Variants in ANO3 observed in about 807,000 individuals in gnomAD.
The protein encoded by ANO3 is anoctamin 3, also known as anoctamin-3.
Under a neutral mutation model 144.8 loss-of-function variants are expected in ANO3, and 99 were observed. That is an observed-to-expected ratio of 0.68 (90% confidence interval 0.58 to 0.81). The LOEUF (loss-of-function observed/expected upper bound fraction) is 0.81. Ranked by LOEUF, ANO3 falls within the 30% of genes least tolerant of loss-of-function variation. The pLI is 0.00. For missense variants in ANO3, 905 were observed against 1,202.2 expected (o/e 0.75, Z 3.66); for synonymous variants, 414 against 392.6 (o/e 1.05, Z -0.64).
intron 1 of ANO3, among the ~76,000 whole-genome samples, chr11:26,366,070 G>A (rs188687313): frequency 2.3e-3 from 338 of 149,382 alleles, no homozygotes; most frequent in Admixed American, 5.3e-3. Context: ...ATGTATACAT[G>A]TGCCTTGTTG....
At chr11:26,189,650 A>G (rs1282931737) in intron 1 of ANO3, among the ~76,000 whole-genome samples, 1 of 152,196 alleles carries the variant, frequency 6.6e-6, no homozygotes, top group East Asian at 1.9e-4. Flanking sequence ...GGCATGACCG[A>G]TGAAATCAGG....
At chr11:26,286,708 A>G (rs1485823258) in intron 1 of ANO3, among the ~76,000 whole-genome samples, 1 of 152,164 alleles carries the variant, frequency 6.6e-6, no homozygotes. Flanking sequence ...GTAATTGGCA[A>G]TGCGGGTGGG....
At chr11:26,535,759 T>C (rs1460001273) in intron 9 of ANO3, among the ~76,000 whole-genome samples, 1 of 151,374 alleles carries the variant, frequency 6.6e-6, no homozygotes, top group African/African-American at 2.4e-5. Flanking sequence ...ATTTTTTGTA[T>C]TTTTTAGTAG....
rs181461922 is a variant in ANO3 at position 26,523,372 on chromosome 11, T to C, written c.693-2263T>C. Among the ~76,000 whole-genome samples the C allele has an allele frequency of 2.6e-5, 4 of 152,318 alleles. No homozygotes were observed. In the East Asian group the frequency reaches 7.7e-4, roughly 29 times the overall value. ...TACGGAAGAGAAATAAAACCTCTCATATCTTTTTGACAGGAGGTAGTTCTG... is the reference window on the plus strand; with the variant it reads ...TACGGAAGAGAAATAAAACCTCTCACATCTTTTTGACAGGAGGTAGTTCTG... On this transcript the variant is annotated intron_variant, in intron 6 of 26. Coordinates refer to ENST00000256737, the MANE Select transcript of ANO3 (RefSeq NM_031418.4).
At chr11:26,339,388 A>G (rs908623016) in intron 1 of ANO3, among the ~76,000 whole-genome samples, 37 of 152,232 alleles carry the variant, frequency 2.4e-4, no homozygotes, top group African/African-American at 8.4e-4. Context: ...CTCCTGACCC[A>G]GGCGATCCGC....
chr11:26,237,647 T>C (rs1481623067), intron 1 of ANO3, among the ~76,000 whole-genome samples: 1 of 152,022 alleles, frequency 6.6e-6, no homozygotes, highest in African/African-American at 2.4e-5. Context: ...TATTCTCTGA[T>C]CTTATAATGG....
rs1274259382 is a variant in ANO3 at position 26,414,786 on chromosome 11, T to G, written c.47-27132T>G. On this transcript the variant is annotated intron_variant, in intron 1 of 26. Transcript: ENST00000256737. ...AAAAAAAAAAAAAAAGAAAGAAAGT[T>G]AATTCATATCCGGTGCTAGAGCAAT... Among the ~76,000 whole-genome samples the G allele has an allele frequency of 4.0e-5, 6 of 151,862 alleles. No individual in the cohort carries two copies. In the East Asian group the frequency reaches 1.2e-3, roughly 29 times the overall value.
At position 26,656,416 on chromosome 11, in the gene ANO3, T is replaced by G; in HGVS notation, c.2698T>G (p.Tyr900Asp). 6.2e-7 allele frequency: 1 copy of G among 1,612,142 alleles called. No homozygotes were observed. The highest frequency in any genetic ancestry group is 8.5e-7 in the Non-Finnish European group (1 of 1,178,256). ...YRGPPWSSKP[Y>D]EFTLQYWHIL... The stretch of plus-strand genomic sequence containing the variant: ...AGGCCCGCCCTGGAGTTCCAAACCC[T>G]ATGAGTTTACTTTACAATACTGGCA... The change falls in exon 26 of 27, where the codon TAT (tyrosine) becomes GAT (aspartate). Residue 900 changes from tyrosine (Y) to aspartate (D), a missense_variant. Physicochemically the swap from Tyr to Asp is radical, Grantham distance 160. Coordinates refer to ENST00000256737, the MANE Select transcript of ANO3 (RefSeq NM_031418.4).
At position 26,385,893 on chromosome 11, in the gene ANO3, G is replaced by GTGTATATATATATA. The variant is rs1183332896; in HGVS notation, c.46+53573_46+53574insGTATATATATATAT. Among the ~76,000 whole-genome samples, 575 of 143,764 alleles carry GTGTATATATATATA rather than the reference G, an allele frequency of 4.0e-3. 1 individual carries two copies. The highest frequency in any genetic ancestry group is 6.3e-3 in the Non-Finnish European group (416 of 65,912). The allele number at this position is 143,764 out of a possible 152,430, so 94.3% of individuals were successfully genotyped here. The stretch of plus-strand genomic sequence containing the variant: ...GATTTGTGTGAAGTTCTTTGTGTGT[G>GTGTATATATATATA]TATATATATTTATATACATATTTAC... On this transcript the variant is annotated intron_variant, in intron 1 of 26. Coordinates refer to ENST00000256737, the MANE Select transcript of ANO3 (RefSeq NM_031418.4).
chr11:26,385,146 TAATG>T (rs1333657721), intron 1 of ANO3, among the ~76,000 whole-genome samples: 3 of 152,300 alleles, frequency 2.0e-5, no homozygotes, highest in African/African-American at 4.8e-5. Context: ...ATAAGACTCA[TAATG>T]AATAAATGAA....
At chr11:26,204,217 A>T (rs1483187437) in intron 1 of ANO3, among the ~76,000 whole-genome samples, 1 of 151,750 alleles carries the variant, frequency 6.6e-6, no homozygotes, top group African/African-American at 2.4e-5. Flanking sequence ...ATTCACACAC[A>T]CCCCTTATTA....
At chr11:26,620,035 A>G (rs909449017) in intron 17 of ANO3, among the ~76,000 whole-genome samples, 17 of 152,218 alleles carry the variant, frequency 1.1e-4, no homozygotes, top group African/African-American at 4.1e-4. Context: ...TTTATCAGGC[A>G]TATAGCTAAA....
intron 1 of ANO3, among the ~76,000 whole-genome samples, chr11:26,390,571 G>T (rs1383324955): frequency 6.6e-6 from 1 of 152,042 alleles, no homozygotes; most frequent in Non-Finnish European, 1.5e-5. Flanking sequence ...TACCATCCCA[G>T]TTTATCTGAG....
intron 12 of ANO3, 138 bp downstream of exon 12, chr11:26,547,688 C>CT (rs869245010): frequency 7.0e-4 from 580 of 829,558 alleles, no homozygotes; most frequent in Non-Finnish European, 7.9e-4. Context: ...TGTTTTTTGG[C>CT]TTTTGTTTTT....
chr11:26,366,932 G>C (rs1281611549), intron 1 of ANO3, among the ~76,000 whole-genome samples: 1 of 152,036 alleles, frequency 6.6e-6, no homozygotes, highest in Non-Finnish European at 1.5e-5. Flanking sequence ...GAACAGAACA[G>C]AGCCCTCAGA....
At chr11:26,351,339 C>T (rs1379400835) in intron 1 of ANO3, among the ~76,000 whole-genome samples, 1 of 151,974 alleles carries the variant, frequency 6.6e-6, no homozygotes, top group Non-Finnish European at 1.5e-5. Context: ...TGTGGTGTTA[C>T]TTAATTTTTT....
intron 17 of ANO3, among the ~76,000 whole-genome samples, chr11:26,622,455 G>C (rs1345577129): frequency 7.1e-6 from 1 of 140,354 alleles, no homozygotes; most frequent in African/African-American, 2.6e-5. Flanking sequence ...AAAAGAAAAT[G>C]AGCCAGGCAT....
intron 14 of ANO3, among the ~76,000 whole-genome samples, chr11:26,596,403 T>C (rs1851629963): frequency 6.6e-6 from 1 of 152,144 alleles, no homozygotes; most frequent in Admixed American, 6.5e-5. Flanking sequence ...ACCTGATCTA[T>C]TATGTTGTTG....
In ANO3 at chr11:26,216,583, A is replaced by G. The variant is rs558514674; in HGVS notation, c.154+27253A>G. ...TTATAGATAAAGCTACTTAACTTTT[A>G]TGTGCAAGCTTTGTATGAATATAAG... is the stretch of plus-strand genomic sequence containing the variant. On this transcript the variant is annotated intron_variant, in intron 1 of 27. Transcript: ENST00000672621. 3.3e-5 allele frequency among the ~76,000 whole-genome samples: 5 copies of G among 152,066 alleles called. No individual in the cohort carries two copies. The South Asian group carries it at 1.0e-3, about 31-fold the overall frequency.
Sources: allele counts gnomAD v4.1 joint callset (sites outside exome capture counted in the v4.1 genomes callset), GRCh38; gene constraint gnomAD v4.1.1; transcripts MANE v1.5; gene names NCBI Gene and HGNC (gene_info 2026-07-23, HGNC 2026-07-21).